Variants in ASF1A observed in about 807,000 individuals in gnomAD.
ASF1A encodes anti-silencing function 1A histone chaperone.
ASF1A carries 5 observed loss-of-function variants against 22.0 expected under a neutral mutation model. The observed-to-expected ratio is 0.23, with a 90% CI of 0.12 to 0.48. ASF1A has a LOEUF of 0.48. Among genes scored for constraint, ASF1A ranks in the 20% least tolerant of loss-of-function variants. The pLI, the probability that ASF1A is intolerant of heterozygous loss-of-function variation, is 0.99. For synonymous variants in ASF1A, 97 were observed against 86.7 expected (o/e 1.12, Z -0.66); for missense variants, 137 against 240.6 (o/e 0.57, Z 2.85).
intron 1 of ASF1A, among the ~76,000 whole-genome samples, chr6:118,897,149 T>A (rs988938197): frequency 6.6e-6 from 1 of 152,184 alleles, no homozygotes; most frequent in Non-Finnish European, 1.5e-5. Context: ...AACTATAGAA[T>A]ATTTTGAAAA....
In ASF1A at chr6:118,894,443, G is replaced by T; in HGVS notation, c.30G>T (p.Val10=). MAKVQVNNV[V]VLDNPSPFYN... ...CAAAGGTTCAGGTGAACAATGTAGTGGTGCTGGATAACCCTTCTCCTTTCT... is the reference window on the plus strand; with the variant it reads ...CAAAGGTTCAGGTGAACAATGTAGTTGTGCTGGATAACCCTTCTCCTTTCT... Residue 10 remains valine, a synonymous_variant, in exon 1 of 4, where the codon GTG becomes GTT. Transcript: ENST00000229595. 6.5e-7 allele frequency: 1 copy of T among 1,537,144 alleles called. No homozygotes were observed.
chr6:118,899,119 G>A (rs925610955), intron 1 of ASF1A, among the ~76,000 whole-genome samples: 2 of 152,128 alleles, frequency 1.3e-5, no homozygotes, highest in Non-Finnish European at 2.9e-5. Context: ...GCCACACGAG[G>A]TCCATGCCAC....
In ASF1A at chr6:118,908,286, A is replaced by G. The variant is rs573367465; in HGVS notation, c.*672A>G. ...GGTTTTTGTTCTTATAACAGAGTTTAGAATATCAGAGCATTTCTTGAATCA... is the reference window on the plus strand; with the variant it reads ...GGTTTTTGTTCTTATAACAGAGTTTGGAATATCAGAGCATTTCTTGAATCA... On this transcript the variant is annotated 3_prime_UTR_variant, in exon 4 of 4. Coordinates refer to ENST00000229595, the MANE Select transcript of ASF1A (RefSeq NM_014034.3). The G allele has an allele frequency of 1.1e-3, 164 of 152,280 alleles. 1 individual carries two copies. Among genetic ancestry groups the G allele is most frequent in the African/African-American group, 3.6e-3 (151 of 41,572 alleles). 9.4% of individuals were successfully genotyped at this position (152,280 alleles called of 1,614,324 possible).
intron 1 of ASF1A, among the ~76,000 whole-genome samples, chr6:118,897,008 T>C (rs1286313964): frequency 6.6e-6 from 1 of 152,098 alleles, no homozygotes; most frequent in Non-Finnish European, 1.5e-5. Context: ...TGGGCTAATT[T>C]TTTAATTTTT....
chr6:118,905,028 G>A (rs1780079151), intron 2 of ASF1A, among the ~76,000 whole-genome samples: 1 of 152,124 alleles, frequency 6.6e-6, no homozygotes, highest in South Asian at 2.1e-4. Flanking sequence ...AATAGAGATG[G>A]GGTTTCATCA....
intron 2 of ASF1A, among the ~76,000 whole-genome samples, chr6:118,901,401 C>CTCTA (rs1779790921): frequency 6.6e-6 from 1 of 152,256 alleles, no homozygotes; most frequent in Admixed American, 6.5e-5. Flanking sequence ...GATGTGTGGT[C>CTCTA]TTGGGTCATT....
At chr6:118,894,805 C>T (rs1040414555) in intron 1 of ASF1A, among the ~76,000 whole-genome samples, 1 of 152,198 alleles carries the variant, frequency 6.6e-6, no homozygotes, top group African/African-American at 2.4e-5. Flanking sequence ...AGCTCGGAGA[C>T]CCGCACTCGC....
chr6:118,894,531 G>A lies in ASF1A; in HGVS notation c.109+9G>A. On this transcript the variant is annotated intron_variant, in intron 1 of 3. Coordinates refer to ENST00000229595, the MANE Select transcript of ASF1A (RefSeq NM_014034.3). ...CGAGGACCTGTCTGAAGGTGAGTGC[G>A]GCGCCCGTGCGCCCGGGCTGTCAGT... is the stretch of plus-strand genomic sequence containing the variant. 6.5e-7 allele frequency: 1 copy of A among 1,534,348 alleles called. No individual in the cohort carries two copies. Among genetic ancestry groups the A allele is most frequent in the Non-Finnish European group, 8.7e-7 (1 of 1,144,342 alleles).
intron 1 of ASF1A, among the ~76,000 whole-genome samples, chr6:118,896,576 C>CA (rs2114496285): frequency 6.6e-6 from 1 of 152,256 alleles, no homozygotes; most frequent in Admixed American, 6.5e-5. Context: ...GTACTGGTGT[C>CA]AAAAACATAC....
In ASF1A at chr6:118,900,794, C is replaced by T; in HGVS notation, c.138C>T (p.Gly46=). The T allele has an allele frequency of 1.1e-5, 17 of 1,613,510 alleles. No individual in the cohort carries two copies. The highest frequency in any genetic ancestry group is 1.6e-4 in the Middle Eastern group (1 of 6,062). The change falls in exon 2 of 4, where the codon GGC becomes GGT. Residue 46 remains glycine, a synonymous_variant. Coordinates refer to ENST00000229595, the MANE Select transcript of ASF1A (RefSeq NM_014034.3). ...EDLEWKIIYV[G]SAESEEYDQV... is the part of the protein sequence containing the mutation. ...TGGAATGGAAAATTATCTATGTGGG[C>T]TCTGCAGAAAGTGAAGAATACGATC...
chr6:118,903,825 G>A (rs970183014), intron 2 of ASF1A, among the ~76,000 whole-genome samples: 3 of 152,168 alleles, frequency 2.0e-5, no homozygotes, highest in Non-Finnish European at 2.9e-5. Flanking sequence ...GGGCTCAAGT[G>A]ATCCACCCAC....
In ASF1A at chr6:118,905,712, C is replaced by CTAAT; in HGVS notation, c.289_292dup (p.Thr98AsnfsTer12). The CTAAT allele has an allele frequency of 6.2e-7, 1 of 1,613,640 alleles. No homozygotes were observed. Among genetic ancestry groups the CTAAT allele is most frequent in the South Asian group, 1.1e-5 (1 of 91,064 alleles). ...AGATGCAGTAGGCGTAACTGTTGTG[C>CTAAT]TAATTACTTGTACCTATCGAGGACA... On this transcript the variant is annotated frameshift_variant, in exon 3 of 4. Coordinates refer to ENST00000229595, the MANE Select transcript of ASF1A (RefSeq NM_014034.3). LOFTEE classifies it high-confidence loss of function.
intron 1 of ASF1A, among the ~76,000 whole-genome samples, chr6:118,898,484 G>A (rs531395279): frequency 6.6e-6 from 1 of 151,108 alleles, no homozygotes; most frequent in South Asian, 2.1e-4. Flanking sequence ...GAGTGCAGTG[G>A]CGCGATCTCG....
intron 1 of ASF1A, among the ~76,000 whole-genome samples, chr6:118,895,911 CA>C (rs1234716523): frequency 6.6e-6 from 1 of 151,894 alleles, no homozygotes; most frequent in Admixed American, 6.6e-5. Context: ...AATTATAAAA[CA>C]ATATATATTC....
intron 2 of ASF1A, among the ~76,000 whole-genome samples, chr6:118,903,186 C>T (rs558426717): frequency 2.0e-5 from 3 of 152,330 alleles, no homozygotes; most frequent in East Asian, 3.9e-4. Context: ...GAAGAGTTCT[C>T]ATAGCAGTAC....
intron 2 of ASF1A, 35 bp from the exon 3 acceptor site, chr6:118,905,613 TTGTG>T: frequency 1.3e-6 from 2 of 1,521,114 alleles, no homozygotes; most frequent in South Asian, 1.3e-5. Context: ...TAACAGCCTT[TTGTG>T]TGTGTGTGTT....
At chr6:118,896,127 A>G (rs1779393944) in intron 1 of ASF1A, among the ~76,000 whole-genome samples, 1 of 152,010 alleles carries the variant, frequency 6.6e-6, no homozygotes, top group Non-Finnish European at 1.5e-5. Flanking sequence ...ATTTATTAAA[A>G]TAATTTCAAA....
Position 118,905,841 on chromosome 6 carries a change from C to T in ASF1A, c.402+13C>T, listed in dbSNP as rs1394987740. The T allele has an allele frequency of 9.7e-6, 15 of 1,552,770 alleles. No homozygotes were observed. The highest frequency in any genetic ancestry group is 1.4e-5 in the African/African-American group (1 of 72,852). On this transcript the variant is annotated intron_variant, in intron 3 of 3. Transcript: ENST00000229595. ...AGACTTTTCTAAGGTAATGTTCTTA[C>T]TATTCCTTTTTAACTACTTTTACTA...
chr6:118,895,462 T>C (rs1230068101), intron 1 of ASF1A, among the ~76,000 whole-genome samples: 1 of 152,244 alleles, frequency 6.6e-6, no homozygotes, highest in Non-Finnish European at 1.5e-5. Context: ...GAAGGAAGAC[T>C]TTCTTCAAGA....
Sources: allele counts gnomAD v4.1 joint callset (sites outside exome capture counted in the v4.1 genomes callset), GRCh38; gene constraint gnomAD v4.1.1; transcripts MANE v1.5; gene names NCBI Gene and HGNC (gene_info 2026-07-23, HGNC 2026-07-21).